Variants in MVB12B observed in about 807,000 individuals in gnomAD.
The protein encoded by MVB12B is ESCRT-I complex subunit MVB12B.
A neutral mutation model predicts 41.6 loss-of-function variants in MVB12B; 16 were observed. The observed-to-expected ratio is 0.38, with a 90% CI of 0.26 to 0.58. MVB12B has a LOEUF of 0.58. Ranked by LOEUF, MVB12B falls within the 20% of genes least tolerant of loss-of-function variation. MVB12B has a pLI of 0.62. For missense variants in MVB12B, 274 were observed against 380.2 expected (o/e 0.72, Z 2.32); for synonymous variants, 133 against 139.7 (o/e 0.95, Z 0.34).
chr9:126,336,811 C>T (rs182387999), intron 1 of MVB12B, among the ~76,000 whole-genome samples: 5 of 152,148 alleles, frequency 3.3e-5, no homozygotes, highest in East Asian at 3.9e-4. Flanking sequence ...GGGAGCCTCT[C>T]GGGGCAGACA....
chr9:126,424,209 G>A (rs1832105966), intron 7 of MVB12B, among the ~76,000 whole-genome samples: 1 of 152,182 alleles, frequency 6.6e-6, no homozygotes, highest in Non-Finnish European at 1.5e-5. Context: ...TGTATGTATG[G>A]TTGTTAAAGT....
intron 2 of MVB12B, among the ~76,000 whole-genome samples, chr9:126,379,167 C>T (rs936700248): frequency 5.9e-5 from 9 of 152,154 alleles, no homozygotes; most frequent in Non-Finnish European, 1.3e-4. Context: ...CATGTAGGTT[C>T]CCTTATTCCC....
intron 7 of MVB12B, among the ~76,000 whole-genome samples, chr9:126,449,152 C>T (rs1254603708): frequency 6.6e-6 from 1 of 152,210 alleles, no homozygotes. Context: ...AGGAAACTCC[C>T]ATGTGCCCAG....
intron 9 of MVB12B, among the ~76,000 whole-genome samples, chr9:126,495,903 T>A (rs953469333): frequency 6.6e-6 from 1 of 152,142 alleles, no homozygotes; most frequent in Non-Finnish European, 1.5e-5. Flanking sequence ...ATCACTAGAC[T>A]TAGACTCATT....
chr9:126,411,036 C>A (rs570707731), intron 6 of MVB12B, among the ~76,000 whole-genome samples: 6 of 151,982 alleles, frequency 3.9e-5, no homozygotes, highest in Non-Finnish European at 7.4e-5. Flanking sequence ...TACAGGCACA[C>A]GCCACCACGC....
intron 2 of MVB12B, among the ~76,000 whole-genome samples, chr9:126,380,515 C>T (rs1217787890): frequency 6.6e-6 from 1 of 152,200 alleles, no homozygotes; most frequent in African/African-American, 2.4e-5. Flanking sequence ...TCACCTTGAA[C>T]CCCACTGTCA....
chr9:126,448,980 A>C (rs936914343), intron 7 of MVB12B, among the ~76,000 whole-genome samples: 1 of 152,158 alleles, frequency 6.6e-6, no homozygotes, highest in African/African-American at 2.4e-5. Flanking sequence ...AGGGGCCCAC[A>C]CCAGAGCGCT....
chr9:126,398,953 G>A lies in MVB12B; in HGVS notation c.662+3256G>A, dbSNP rs146931306. On this transcript the variant is annotated intron_variant, in intron 6 of 9. Transcript: ENST00000361171. ...ACAAAGGTGGATCTTTGCACCGTCTGTAGGCCATCACCTGAGGACCTCGTG... is the reference window on the plus strand; with the variant it reads ...ACAAAGGTGGATCTTTGCACCGTCTATAGGCCATCACCTGAGGACCTCGTG... Among the ~76,000 whole-genome samples the A allele has an allele frequency of 6.6e-5, 10 of 152,368 alleles. No homozygotes were observed. In the East Asian group the frequency reaches 1.3e-3, roughly 21 times the overall value.
Position 126,333,654 on chromosome 9 carries a change from T to G in MVB12B, c.81+6644T>G, listed in dbSNP as rs1259194794. 6.6e-6 allele frequency among the ~76,000 whole-genome samples: 1 copy of G among 150,754 alleles called. No homozygotes were observed. Among genetic ancestry groups the G allele is most frequent in the African/African-American group, 2.4e-5 (1 of 40,872 alleles). On this transcript the variant is annotated intron_variant, in intron 1 of 9. Transcript: ENST00000361171. The surrounding 1 kb of genome is among the most constrained non-coding windows in gnomAD (Gnocchi z 4.7). ...CCTGACCTCAAGTGATCTGCCCACC[T>G]TGGCCTCAGAGTGCTGGGATTACAG...
chr9:126,358,872 T>C (rs1445583153), intron 2 of MVB12B, among the ~76,000 whole-genome samples: 2 of 152,192 alleles, frequency 1.3e-5, no homozygotes, highest in Non-Finnish European at 2.9e-5. Flanking sequence ...TTTTCCCAAA[T>C]CTTAGGGGGA....
intron 7 of MVB12B, among the ~76,000 whole-genome samples, chr9:126,452,505 T>C (rs1832904911): frequency 6.6e-6 from 1 of 152,204 alleles, no homozygotes; most frequent in Non-Finnish European, 1.5e-5. Context: ...GGGCAGCCGG[T>C]GCAACACATT....
intron 7 of MVB12B, among the ~76,000 whole-genome samples, chr9:126,455,945 C>T (rs1036641014): frequency 1.1e-4 from 14 of 130,146 alleles, no homozygotes; most frequent in African/African-American, 4.2e-4. Context: ...GGCTGGAATG[C>T]AATGGTGTGA....
chr9:126,471,246 G>A (rs1833309694), intron 7 of MVB12B, among the ~76,000 whole-genome samples: 4 of 152,262 alleles, frequency 2.6e-5, no homozygotes, highest in East Asian at 1.9e-4. Context: ...GCGGTGCTGC[G>A]GAGTGGGCAC....
intron 7 of MVB12B, among the ~76,000 whole-genome samples, chr9:126,428,370 T>C (rs979278304): frequency 1.1e-4 from 16 of 152,206 alleles, no homozygotes; most frequent in Admixed American, 9.2e-4. Flanking sequence ...GCCACCAGCT[T>C]TTCATCTTAT....
At position 126,327,003 on chromosome 9, in the gene MVB12B, G is replaced by A. The variant is rs1354286186; in HGVS notation, c.74G>A (p.Arg25Gln). ...PPQPPPPPPQ[R>Q]GTDQSTMPEV... ...CAGCCACCGCCGCCGCCGCCCCAGC[G>A]GGGAACAGTTAAGTGAGGCCCGGGC... is the stretch of plus-strand genomic sequence containing the variant. Residue 25 changes from arginine to glutamine, a missense_variant, in exon 1 of 10, where the codon CGG (arginine) becomes CAG (glutamine). Physicochemically the swap from Arg to Gln is conservative, Grantham distance 43. Transcript: ENST00000361171. 15 of 232,852 alleles carry A rather than the reference G, an allele frequency of 6.4e-5. No individual in the cohort carries two copies. The highest frequency in any genetic ancestry group is 1.2e-4 in the Non-Finnish European group (14 of 117,266). The allele number at this position is 232,852 out of a possible 1,614,324, so 14.4% of individuals were successfully genotyped here.
intron 6 of MVB12B, among the ~76,000 whole-genome samples, chr9:126,409,121 G>C (rs1171908095): frequency 6.6e-6 from 1 of 152,084 alleles, no homozygotes; most frequent in African/African-American, 2.4e-5. Flanking sequence ...ATTGTGGGGG[G>C]GGGCTCAGTA....
At chr9:126,343,487 C>T (rs1829504867) in intron 2 of MVB12B, among the ~76,000 whole-genome samples, 1 of 152,194 alleles carries the variant, frequency 6.6e-6, no homozygotes, top group African/African-American at 2.4e-5. Context: ...CAGAATGTAA[C>T]CTTTGATTTA....
chr9:126,424,781 C>T (rs1314624626), intron 7 of MVB12B, among the ~76,000 whole-genome samples: 1 of 152,234 alleles, frequency 6.6e-6, no homozygotes, highest in Non-Finnish European at 1.5e-5. Context: ...CTCTTGTACC[C>T]TAATCCAAAC....
chr9:126,468,991 T>G lies in MVB12B; in HGVS notation c.758-12378T>G, dbSNP rs1833257743. Among the ~76,000 whole-genome samples the G allele has an allele frequency of 6.6e-6, 1 of 152,208 alleles. No individual in the cohort carries two copies. Among genetic ancestry groups the G allele is most frequent in the South Asian group, 2.1e-4 (1 of 4,836 alleles). On this transcript the variant is annotated intron_variant, in intron 7 of 9. Transcript: ENST00000361171. This position sits in a 1 kb window ranked among gnomAD's most constrained non-coding sequence, Gnocchi z 4.3. ...ACAGTTACTTATGCTGTGATGCTAT[T>G]TTTATTAAAAACACGAATACATACA...
Sources: allele counts gnomAD v4.1 joint callset (sites outside exome capture counted in the v4.1 genomes callset), GRCh38; gene constraint gnomAD v4.1.1; non-coding constraint Gnocchi (gnomAD v3.1); transcripts MANE v1.5; gene names NCBI Gene and HGNC (gene_info 2026-07-23, HGNC 2026-07-21).